GPC6: variants seen among roughly 807,000 people sequenced by gnomAD.
GPC6 encodes glypican 6.
Under a neutral mutation model 55.2 loss-of-function variants are expected in GPC6, and 14 were observed. The observed-to-expected ratio is 0.25, with a 90% CI of 0.17 to 0.40. GPC6 has a LOEUF of 0.40. Ranked by LOEUF, GPC6 falls within the 10% of genes least tolerant of loss-of-function variation. The pLI is 1.00. For synonymous variants in GPC6, 278 were observed against 259.6 expected (o/e 1.07, Z -0.68); for missense variants, 641 against 708.5 (o/e 0.90, Z 1.08).
chr13:93,679,218 A>G (rs1034300987), intron 2 of GPC6, among the ~76,000 whole-genome samples: 3 of 152,178 alleles, frequency 2.0e-5, no homozygotes, highest in African/African-American at 7.2e-5. Flanking sequence ...TGTGAAACAC[A>G]GCCAAGAGAA....
intron 5 of GPC6, among the ~76,000 whole-genome samples, chr13:94,289,600 G>A (rs1158293631): frequency 1.3e-5 from 2 of 152,208 alleles, no homozygotes; most frequent in African/African-American, 4.8e-5. Flanking sequence ...TTGTGGCACA[G>A]TGTGGAGGTT....
At chr13:93,879,000 A>C (rs1874780272) in intron 3 of GPC6, among the ~76,000 whole-genome samples, 1 of 152,096 alleles carries the variant, frequency 6.6e-6, no homozygotes, top group Admixed American at 6.6e-5. Context: ...AGAGCAGACA[A>C]GTGATAAGCG....
intron 3 of GPC6, among the ~76,000 whole-genome samples, chr13:93,913,940 C>T (rs371887152): frequency 7.0e-6 from 1 of 142,530 alleles, no homozygotes; most frequent in African/African-American, 2.6e-5. Flanking sequence ...CTCCCCACAC[C>T]TTCCATTTCT....
intron 3 of GPC6, among the ~76,000 whole-genome samples, chr13:93,832,119 A>ATAT (rs1316099222): frequency 1.2e-5 from 1 of 83,404 alleles, no homozygotes; most frequent in Non-Finnish European, 2.2e-5. Flanking sequence ...AAAAAAAAAA[A>ATAT]AAAATATATA....
At chr13:93,769,801 G>A (rs547716422) in intron 2 of GPC6, among the ~76,000 whole-genome samples, 16 of 152,334 alleles carry the variant, frequency 1.1e-4, no homozygotes, top group Admixed American at 7.2e-4. Flanking sequence ...TGCTTTACCT[G>A]TATTCTTTCA....
At chr13:94,000,391 G>A (rs1408769454) in intron 3 of GPC6, among the ~76,000 whole-genome samples, 1 of 152,170 alleles carries the variant, frequency 6.6e-6, no homozygotes, top group Non-Finnish European at 1.5e-5. Flanking sequence ...GTGTCTGTGT[G>A]CTAGCATAAA....
chr13:93,336,977 C>T (rs1222055450), intron 1 of GPC6, among the ~76,000 whole-genome samples: 1 of 152,114 alleles, frequency 6.6e-6, no homozygotes, highest in Non-Finnish European at 1.5e-5. Context: ...GATTTTCTGC[C>T]GTATTTAACA....
At chr13:93,316,301 G>A (rs374094958) in intron 1 of GPC6, among the ~76,000 whole-genome samples, 5 of 152,086 alleles carry the variant, frequency 3.3e-5, no homozygotes, top group Admixed American at 6.6e-5. Flanking sequence ...TAATAAAATC[G>A]ACATTCATGG....
At chr13:93,307,992 ATGGTGGCT>A (rs1878928384) in intron 1 of GPC6, among the ~76,000 whole-genome samples, 1 of 152,098 alleles carries the variant, frequency 6.6e-6, no homozygotes, top group Non-Finnish European at 1.5e-5. Flanking sequence ...GTGGCCGGGC[ATGGTGGCT>A]CAGGCCGGGC....
At chr13:94,213,514 TG>T (rs1443401086) in intron 4 of GPC6, among the ~76,000 whole-genome samples, 1 of 152,218 alleles carries the variant, frequency 6.6e-6, no homozygotes, top group Non-Finnish European at 1.5e-5. Flanking sequence ...TTAAATCAGC[TG>T]GGTGGTTCTT....
intron 1 of GPC6, among the ~76,000 whole-genome samples, chr13:93,268,341 A>G (rs60085090): frequency 6.6e-6 from 1 of 152,284 alleles, no homozygotes; most frequent in East Asian, 1.9e-4. Context: ...CCCAGTTCAT[A>G]TAGACAATCT....
chr13:93,482,156 T>C (rs1212446728), intron 1 of GPC6, among the ~76,000 whole-genome samples: 1 of 152,138 alleles, frequency 6.6e-6, no homozygotes, highest in African/African-American at 2.4e-5. Context: ...GGTACTTTAT[T>C]CCTAATTTCA....
rs570209111 is a variant in GPC6 at position 93,442,072 on chromosome 13, G to A, written c.161-103191G>A. Reference sequence around the variant, plus strand: ...GAAGATAGATGATAAATAAAGACATGAATTCACTTTGACTTTAGAGAAAGG... The same window carrying A: ...GAAGATAGATGATAAATAAAGACATAAATTCACTTTGACTTTAGAGAAAGG... On this transcript the variant is annotated intron_variant, in intron 1 of 8. Coordinates refer to ENST00000377047, the MANE Select transcript of GPC6 (RefSeq NM_005708.5). Among the ~76,000 whole-genome samples the A allele has an allele frequency of 2.6e-5, 4 of 152,250 alleles. No individual in the cohort carries two copies. The South Asian group carries it at 8.3e-4, about 32-fold the overall frequency.
chr13:93,953,073 T>G (rs1710667215), intron 3 of GPC6, among the ~76,000 whole-genome samples: 2 of 151,962 alleles, frequency 1.3e-5, no homozygotes, highest in South Asian at 2.1e-4. Context: ...TGCTGTCAGA[T>G]CATTCATTTT....
Position 93,324,342 on chromosome 13 carries a change from A to G in GPC6, c.160+96726A>G, listed in dbSNP as rs139002490. ...GATGGTAAGTGGGTACAAAAAAGAT[A>G]GAAAGAATGAATAAGACCTAGTATT... is the stretch of plus-strand genomic sequence containing the variant. On this transcript the variant is annotated intron_variant, in intron 1 of 8. Coordinates refer to ENST00000377047, the MANE Select transcript of GPC6 (RefSeq NM_005708.5). Among the ~76,000 whole-genome samples, 36 of 152,096 alleles carry G rather than the reference A, an allele frequency of 2.4e-4. No homozygotes were observed. The East Asian group carries it at 6.4e-3, about 27-fold the overall frequency.
chr13:93,768,678 G>A (rs1438105734), intron 2 of GPC6, among the ~76,000 whole-genome samples: 6 of 152,086 alleles, frequency 3.9e-5, no homozygotes, highest in Non-Finnish European at 8.8e-5. Flanking sequence ...GTGCAGTGAT[G>A]GCCATTAAGA....
intron 3 of GPC6, among the ~76,000 whole-genome samples, chr13:93,967,458 T>G (rs1880098398): frequency 6.6e-6 from 1 of 152,240 alleles, no homozygotes; most frequent in Non-Finnish European, 1.5e-5. Flanking sequence ...TTGCCATTCC[T>G]ACATGCTCAT....
At chr13:93,730,626 A>G (rs1883790113) in intron 2 of GPC6, among the ~76,000 whole-genome samples, 3 of 152,198 alleles carry the variant, frequency 2.0e-5, no homozygotes, top group African/African-American at 7.2e-5. Flanking sequence ...TCTGGTTGAT[A>G]TGTGCTTCAG....
At chr13:93,669,688 C>T (rs979198373) in intron 2 of GPC6, among the ~76,000 whole-genome samples, 1 of 152,032 alleles carries the variant, frequency 6.6e-6, no homozygotes, top group Non-Finnish European at 1.5e-5. Context: ...AACAATGAAA[C>T]AATGAAAGGA....
Sources: allele counts gnomAD v4.1 joint callset (sites outside exome capture counted in the v4.1 genomes callset), GRCh38; gene constraint gnomAD v4.1.1; transcripts MANE v1.5; gene names NCBI Gene and HGNC (gene_info 2026-07-23, HGNC 2026-07-21).